LRBA: variants seen among roughly 807,000 people sequenced by gnomAD.
LRBA encodes LPS responsive beige-like anchor protein.
In LRBA, 176 loss-of-function variants were observed where a neutral mutation model predicts 330.0. The observed-to-expected ratio is 0.53, with a 90% CI of 0.47 to 0.60. The LOEUF (loss-of-function observed/expected upper bound fraction) is 0.60. Ranked by LOEUF, LRBA falls within the 20% of genes least tolerant of loss-of-function variation. The pLI is 0.00. For missense variants in LRBA, 3,259 were observed against 3,444.8 expected, an observed-to-expected ratio of 0.95 and a Z score of 1.35; for synonymous variants, 1,230 against 1,193.0, an observed-to-expected ratio of 1.03 and a Z score of -0.64.
intron 2 of LRBA, among the ~76,000 whole-genome samples, chr4:150,963,510 G>A (rs1738429955): frequency 6.7e-6 from 1 of 149,554 alleles, no homozygotes; most frequent in Non-Finnish European, 1.5e-5. Flanking sequence ...AGGCTGGAGT[G>A]CAGTGGCGTG....
At chr4:150,525,073 G>C (rs1763311557) in intron 40 of LRBA, among the ~76,000 whole-genome samples, 1 of 152,008 alleles carries the variant, frequency 6.6e-6, no homozygotes, top group South Asian at 2.1e-4. Context: ...ATTCTACTAA[G>C]AGCAAATGTT....
At chr4:150,429,971 G>T (rs1750156110) in intron 46 of LRBA, among the ~76,000 whole-genome samples, 1 of 151,934 alleles carries the variant, frequency 6.6e-6, no homozygotes, top group African/African-American at 2.4e-5. Context: ...ACGTGTTTTG[G>T]GGGATTTTAA....
At chr4:151,000,045 C>T (rs1485247155) in intron 2 of LRBA, among the ~76,000 whole-genome samples, 2 of 152,098 alleles carry the variant, frequency 1.3e-5, no homozygotes, top group African/African-American at 4.8e-5. Context: ...AAGAGATTAA[C>T]AACAATAACT....
intron 2 of LRBA, among the ~76,000 whole-genome samples, chr4:150,986,114 C>T (rs1405508637): frequency 6.6e-6 from 1 of 152,050 alleles, no homozygotes; most frequent in Non-Finnish European, 1.5e-5. Context: ...TAGAATTGAA[C>T]ATAGTCTGTT....
chr4:150,904,537 T>C (rs1401707301), intron 13 of LRBA, among the ~76,000 whole-genome samples: 1 of 152,162 alleles, frequency 6.6e-6, no homozygotes, highest in Admixed American at 6.5e-5. Context: ...ATGAATTTTT[T>C]TTAATTCCCC....
intron 40 of LRBA, among the ~76,000 whole-genome samples, chr4:150,531,866 T>C (rs1764085580): frequency 6.6e-6 from 1 of 152,178 alleles, no homozygotes. Context: ...CAAAAGACAC[T>C]TTCCAGATCT....
chr4:151,007,059 T>C (rs1001950244), intron 2 of LRBA, among the ~76,000 whole-genome samples: 4 of 152,184 alleles, frequency 2.6e-5, no homozygotes, highest in Admixed American at 2.6e-4. Flanking sequence ...AAATCTTCAG[T>C]AAACAAAAGG....
At chr4:150,716,165 T>C (rs1375392922) in intron 36 of LRBA, among the ~76,000 whole-genome samples, 1 of 152,110 alleles carries the variant, frequency 6.6e-6, no homozygotes, top group African/African-American at 2.4e-5. Context: ...AATTGCTAAT[T>C]GGGCTGGGCG....
chr4:150,633,708 G>T (rs1332665919), intron 37 of LRBA, among the ~76,000 whole-genome samples: 6 of 152,152 alleles, frequency 3.9e-5, no homozygotes, highest in Non-Finnish European at 8.8e-5. Flanking sequence ...TGGCCATAAG[G>T]CCTCGTGTAA....
At chr4:150,433,366 G>GA (rs1194885838) in intron 46 of LRBA, among the ~76,000 whole-genome samples, 3 of 151,568 alleles carry the variant, frequency 2.0e-5, no homozygotes, top group Non-Finnish European at 2.9e-5. Context: ...TGAGGTTCAG[G>GA]AAAAAAAGAA....
At chr4:150,470,598 C>A (rs979628337) in intron 43 of LRBA, among the ~76,000 whole-genome samples, 2 of 152,010 alleles carry the variant, frequency 1.3e-5, no homozygotes, top group Non-Finnish European at 2.9e-5. Context: ...GAAAGTCTGC[C>A]GGCACAGTAA....
chr4:150,945,097 T>C (rs1440860162), intron 2 of LRBA, among the ~76,000 whole-genome samples: 1 of 152,186 alleles, frequency 6.6e-6, no homozygotes, highest in African/African-American at 2.4e-5. Context: ...AGTATGAAAA[T>C]GGACTAATAC....
chr4:150,349,821 T>C (rs1444392499), intron 48 of LRBA, among the ~76,000 whole-genome samples, 171 bp downstream of exon 48: 2 of 152,332 alleles, frequency 1.3e-5, no homozygotes, highest in Non-Finnish European at 1.5e-5. Context: ...GGAAGGAACC[T>C]CTGGGTTCAA....
rs1465509189 is a variant in LRBA at position 150,372,556 on chromosome 4, T to C, written c.7195-22397A>G. ...GCCTGGGTGACAGAGCAAGATCCCA[T>C]CTCCAAAAAAAAAAAAAAAAAGGAA... On this transcript the variant is annotated intron_variant, in intron 47 of 56. Coordinates refer to ENST00000651943, the MANE Select transcript of LRBA (RefSeq NM_001364905.1). Among the ~76,000 whole-genome samples the C allele has an allele frequency of 3.6e-4, 13 of 35,928 alleles. No homozygotes were observed. In the East Asian group the frequency reaches 4.5e-3, roughly 12 times the overall value. 23.6% of individuals were successfully genotyped at this position (35,928 alleles called of 152,430 possible).
chr4:151,011,788 C>T (rs1744876919), intron 2 of LRBA, among the ~76,000 whole-genome samples: 1 of 151,832 alleles, frequency 6.6e-6, no homozygotes, highest in African/African-American at 2.4e-5. Context: ...GATCCTCCCA[C>T]CTCATCCTCC....
chr4:150,389,911 ATTTTTTTTTTT>A (rs34355782), intron 47 of LRBA, among the ~76,000 whole-genome samples: 39 of 111,714 alleles, frequency 3.5e-4, no homozygotes, highest in South Asian at 3.1e-3. Context: ...TTGTCTGGGT[ATTTTTTTTTTT>A]TTTTTTTTTT....
Position 150,496,670 on chromosome 4 carries a change from T to C in LRBA, c.6331-5635A>G, listed in dbSNP as rs568740239. Among the ~76,000 whole-genome samples, 37 of 152,260 alleles carry C rather than the reference T, an allele frequency of 2.4e-4. 1 individual carries two copies. In the South Asian group the frequency reaches 7.7e-3, roughly 32 times the overall value. On this transcript the variant is annotated intron_variant, in intron 40 of 56. Transcript: ENST00000651943. ...CTATTCCTAAGGTTTAAAACTAGCATAGCATATCCCTATGCCAAATATTTC... is the reference window on the plus strand; with the variant it reads ...CTATTCCTAAGGTTTAAAACTAGCACAGCATATCCCTATGCCAAATATTTC...
chr4:150,441,664 A>C (rs945876117), intron 44 of LRBA, among the ~76,000 whole-genome samples: 2 of 152,066 alleles, frequency 1.3e-5, no homozygotes, highest in African/African-American at 2.4e-5. Context: ...ATAAATAGGT[A>C]ATCTAGATAT....
chr4:150,695,053 T>A (rs959980920), intron 36 of LRBA, among the ~76,000 whole-genome samples: 1 of 152,204 alleles, frequency 6.6e-6, no homozygotes, highest in African/African-American at 2.4e-5. Context: ...TTAGAGTACT[T>A]ATTAACAATA....
Sources: gnomAD v4.1 joint callset for allele counts (sites outside exome capture counted in the v4.1 genomes callset) on GRCh38, gnomAD v4.1.1 for gene constraint, MANE v1.5 for transcripts, NCBI Gene and HGNC (gene_info 2026-07-23, HGNC 2026-07-21) for gene names.